Variants in VPS13A observed in about 807,000 individuals in gnomAD.
VPS13A encodes vacuolar protein sorting 13 homolog A.
VPS13A carries 264 observed loss-of-function variants against 390.9 expected under a neutral mutation model. That is an observed-to-expected ratio of 0.68 (90% CI 0.61 to 0.75). The LOEUF is 0.75. VPS13A is among the 30% of genes least tolerant of loss of function. VPS13A has a pLI of 0.00. For synonymous variants in VPS13A, 1,231 were observed against 1,227.1 expected, an observed-to-expected ratio of 1.00 and a Z score of -0.07; for missense variants, 3,409 against 3,733.9, an observed-to-expected ratio of 0.91 and a Z score of 2.27.
At chr9:77,209,387 C>G (rs758860269) in intron 5 of VPS13A, 36 bp from the exon 6 acceptor site, 10 of 1,421,882 alleles carry the variant, frequency 7.0e-6, no homozygotes, top group Non-Finnish European at 8.9e-6. Context: ...GTATATTTTT[C>G]ATTCAATTTT....
chr9:77,221,864 C>G (rs1823238300), intron 13 of VPS13A, among the ~76,000 whole-genome samples: 1 of 152,106 alleles, frequency 6.6e-6, no homozygotes, highest in Non-Finnish European at 1.5e-5. Context: ...CTACTTAAGT[C>G]TTAGTGCTTG....
rs771273632 is a variant in VPS13A at position 77,315,262 on chromosome 9, A to G, written c.4422A>G (p.Gly1474=). 1 of 1,613,794 alleles carries G rather than the reference A, an allele frequency of 6.2e-7. No individual in the cohort carries two copies. Among genetic ancestry groups the G allele is most frequent in the South Asian group, 1.1e-5 (1 of 91,074 alleles). The change falls in exon 38 of 72, where the codon GGA becomes GGG. Residue 1474 remains glycine, a synonymous_variant. Transcript: ENST00000360280. The part of the protein sequence containing the change: ...HVKKATPRMI[G]LTVGFDKKDM... Reference sequence around the variant, plus strand: ...TTATTGTGTTTTCCAGAATGATAGGACTGACAGTTGGTTTTGACAAAAAAG... The same window carrying G: ...TTATTGTGTTTTCCAGAATGATAGGGCTGACAGTTGGTTTTGACAAAAAAG...
chr9:77,306,659 A>G (rs1419585626), intron 34 of VPS13A, among the ~76,000 whole-genome samples: 1 of 152,102 alleles, frequency 6.6e-6, no homozygotes, highest in Non-Finnish European at 1.5e-5. Context: ...TCCAACTTCA[A>G]TACAAAGCAA....
At position 77,405,814 on chromosome 9, in the gene VPS13A, T is replaced by C. The variant is rs1472539171; in HGVS notation, c.9276-50T>C. 2.5e-6 allele frequency: 4 copies of C among 1,606,812 alleles called. No individual in the cohort carries two copies. The South Asian group carries it at 4.4e-5, about 18-fold the overall frequency. ...ATTCGTATCCTGTTGTTATTGGATA[T>C]AAGTGCCTCAATTTTAAAGCGAATT... On this transcript the variant is annotated intron_variant, in intron 69 of 71. Coordinates refer to ENST00000360280, the MANE Select transcript of VPS13A (RefSeq NM_033305.3).
chr9:77,298,891 C>T (rs994296192), intron 33 of VPS13A, among the ~76,000 whole-genome samples: 5 of 152,118 alleles, frequency 3.3e-5, no homozygotes, highest in African/African-American at 1.2e-4. Flanking sequence ...CTCTTTTTGC[C>T]TGCCGCTGTG....
chr9:77,337,338 G>A lies in VPS13A; in HGVS notation c.6179G>A (p.Gly2060Asp), dbSNP rs376686297. The change falls in exon 47 of 72, where the codon GGT becomes GAT. Residue 2060 changes from glycine (G) to aspartate (D), a missense_variant. By Grantham distance (94) the Gly-to-Asp change is moderately conservative. Around this residue, in one of 5 missense-constraint regions of VPS13A, gnomAD observed 2,717 missense variants for 2,917.4 expected, o/e 0.93. Transcript: ENST00000360280. ...TTTGAAGAGATTATAAAAAATGATG[G>A]TGCTCTTCTAAAGAAGAAATGTAGA... ...IDFEEIIKND[G>D]ALLKKKCRSK... 4.8e-5 allele frequency: 78 copies of A among 1,611,996 alleles called. No homozygotes were observed. The highest frequency in any genetic ancestry group is 5.9e-5 in the Non-Finnish European group (69 of 1,178,606).
At chr9:77,203,791 CTTA>C (rs1825474225) in intron 3 of VPS13A, among the ~76,000 whole-genome samples, 2 of 152,064 alleles carry the variant, frequency 1.3e-5, no homozygotes. Flanking sequence ...TTTTCACAAT[CTTA>C]TTATTTCATT....
chr9:77,284,260 CAGAT>C (rs373427010), intron 31 of VPS13A, among the ~76,000 whole-genome samples: 120 of 152,180 alleles, frequency 7.9e-4, no homozygotes, highest in African/African-American at 2.5e-3. Context: ...AAAGGAATAT[CAGAT>C]AGTAGGATCA....
In VPS13A at chr9:77,315,642, A is replaced by AT. The variant is rs11454108; in HGVS notation, c.4630+178dup. 0.18 allele frequency among the ~76,000 whole-genome samples: 27,377 copies of AT among 151,974 alleles called. 2,628 individuals are homozygous for AT. Among genetic ancestry groups the AT allele is most frequent in the Middle Eastern group, 0.25 (73 of 294 alleles). On this transcript the variant is annotated intron_variant, in intron 38 of 71. Coordinates refer to ENST00000360280, the MANE Select transcript of VPS13A (RefSeq NM_033305.3). ...TTTTCTTGGAGGATGTATAGTTTGC[A>AT]TTTTTTAAAGGTGTCAGTATATATT...
At chr9:77,181,515 CAAAAAAAAA>C (rs1161800764) in intron 1 of VPS13A, among the ~76,000 whole-genome samples, 2 of 80,290 alleles carry the variant, frequency 2.5e-5, no homozygotes, top group African/African-American at 4.7e-5. Context: ...GACCCTGCCT[CAAAAAAAAA>C]AAAAAAAAAA....
intron 17 of VPS13A, among the ~76,000 whole-genome samples, chr9:77,237,315 CAT>C (rs1824206970): frequency 2.0e-5 from 3 of 152,148 alleles, no homozygotes; most frequent in African/African-American, 7.2e-5. Flanking sequence ...GAGCTCCTCA[CAT>C]AGTCATTCTC....
chr9:77,222,661 A>G (rs1294980619), intron 13 of VPS13A, among the ~76,000 whole-genome samples: 1 of 152,122 alleles, frequency 6.6e-6, no homozygotes, highest in African/African-American at 2.4e-5. Context: ...AATTCCCACA[A>G]TATTTGAAAC....
intron 71 of VPS13A, among the ~76,000 whole-genome samples, chr9:77,410,557 T>G (rs1338527567): frequency 6.6e-6 from 1 of 152,066 alleles, no homozygotes; most frequent in African/African-American, 2.4e-5. Context: ...CCACCTCACA[T>G]GCAGAGACAC....
chr9:77,370,208 A>G (rs762949524), intron 63 of VPS13A, 49 bp from the exon 64 acceptor site: 2 of 1,590,478 alleles, frequency 1.3e-6, no homozygotes, highest in Non-Finnish European at 1.7e-6. Flanking sequence ...CTCATCTTTA[A>G]AAGTGAATAT....
intron 21 of VPS13A, among the ~76,000 whole-genome samples, chr9:77,251,444 T>G (rs1353804872): frequency 1.3e-5 from 2 of 152,210 alleles, no homozygotes; most frequent in Non-Finnish European, 2.9e-5. Flanking sequence ...AGATAAACCT[T>G]TATGTTACTG....
At chr9:77,337,666 C>A in intron 47 of VPS13A, 129 bp downstream of exon 47, 2 of 893,918 alleles carry the variant, frequency 2.2e-6, no homozygotes, top group Non-Finnish European at 3.3e-6. Context: ...ATAGGTAATG[C>A]AGATATTCTT....
intron 17 of VPS13A, 85 bp downstream of exon 17, chr9:77,228,349 T>A (rs1049283018): frequency 7.6e-6 from 10 of 1,322,084 alleles, no homozygotes; most frequent in Non-Finnish European, 1.0e-5. Context: ...TAGTCTTTTG[T>A]AAAGAGCACT....
chr9:77,384,425 T>C (rs965451065), intron 68 of VPS13A, among the ~76,000 whole-genome samples: 4 of 151,954 alleles, frequency 2.6e-5, no homozygotes, highest in African/African-American at 7.2e-5. Context: ...TATTAAGTTA[T>C]GGAATATTAT....
At chr9:77,273,749 C>G (rs1182057317) in intron 24 of VPS13A, among the ~76,000 whole-genome samples, 3 of 152,084 alleles carry the variant, frequency 2.0e-5, no homozygotes, top group African/African-American at 7.2e-5. Context: ...AAGTTTGTTA[C>G]GCAGATATGT....
Sources: allele counts gnomAD v4.1 joint callset (sites outside exome capture counted in the v4.1 genomes callset), GRCh38; gene constraint gnomAD v4.1.1; regional missense constraint gnomAD v4.1.1; transcripts MANE v1.5; gene names NCBI Gene and HGNC (gene_info 2026-07-23, HGNC 2026-07-21).